The following ASPG variants were observed in gnomAD, a reference collection of about 807,000 sequenced individuals.
ASPG encodes asparaginase.
In ASPG, 53 loss-of-function variants were observed where a neutral mutation model predicts 63.2. The observed-to-expected ratio is 0.84, with a 90% CI of 0.67 to 1.05. The LOEUF (loss-of-function observed/expected upper bound fraction) is 1.05. Ranked by LOEUF, ASPG falls within the 50% of genes least tolerant of loss-of-function variation. ASPG has a pLI of 0.00. For missense variants in ASPG, 741 were observed against 794.4 expected, an observed-to-expected ratio of 0.93 and a Z score of 0.81; for synonymous variants, 370 against 355.0, an observed-to-expected ratio of 1.04 and a Z score of -0.48.
At chr14:104,101,739 G>C (rs1459833772) in intron 6 of ASPG, among the ~76,000 whole-genome samples, 2 of 152,146 alleles carry the variant, frequency 1.3e-5, no homozygotes, top group Non-Finnish European at 2.9e-5. Context: ...GCCCTCCTCT[G>C]TGCACTGGGA....
intron 5 of ASPG, among the ~76,000 whole-genome samples, chr14:104,098,590 C>T (rs1187322600): frequency 3.3e-5 from 5 of 152,154 alleles, no homozygotes; most frequent in Non-Finnish European, 7.4e-5. Flanking sequence ...CCTCCTGCCA[C>T]CCAGCCACTT....
intron 15 of ASPG, among the ~76,000 whole-genome samples, 173 bp downstream of exon 15, chr14:104,112,173 A>G (rs1016730952): frequency 5.9e-5 from 9 of 152,048 alleles, no homozygotes; most frequent in African/African-American, 2.2e-4. Context: ...GGTGGAACAC[A>G]GTTTAGAGGT....
Position 104,111,765 on chromosome 14 carries a change from G to C in ASPG, c.1621-155G>C, listed in dbSNP as rs1049041804. On this transcript the variant is annotated intron_variant, in intron 14 of 15. Coordinates refer to ENST00000551177, the MANE Select transcript of ASPG (RefSeq NM_001080464.3). Reference sequence around the variant, plus strand: ...CGCACAGACTGGGTCCCCTTCCCGGGGCTCTGAGTGGTGGGGGTGACGAGA... The same window carrying C: ...CGCACAGACTGGGTCCCCTTCCCGGCGCTCTGAGTGGTGGGGGTGACGAGA... The C allele has an allele frequency of 9.6e-6, 9 of 940,364 alleles. No homozygotes were observed. In the African/African-American group the frequency reaches 1.1e-4, roughly 12 times the overall value. The allele number at this position is 940,364 out of a possible 1,614,324, so 58.3% of individuals were successfully genotyped here.
chr14:104,111,211 CTG>C (rs956278073), intron 13 of ASPG: 25 of 977,288 alleles, frequency 2.6e-5, no homozygotes, highest in African/African-American at 2.1e-4. Flanking sequence ...TTGTGTGCTC[CTG>C]TGTGTGTACA....
intron 9 of ASPG, 144 bp from the exon 10 acceptor site, chr14:104,105,184 C>G (rs545291442): frequency 2.3e-6 from 3 of 1,331,428 alleles, no homozygotes; most frequent in South Asian, 2.6e-5. Context: ...CCAGCCCGCT[C>G]TGGCCCGAGG....
At chr14:104,105,107 G>T in intron 9 of ASPG, 2 of 673,906 alleles carry the variant, frequency 3.0e-6, no homozygotes, top group East Asian at 5.5e-5. Flanking sequence ...CTGGACGGAG[G>T]CTTTTGGGGC....
Position 104,112,980 on chromosome 14 carries a change from C to T in ASPG, c.*436C>T, listed in dbSNP as rs2037420711. ...AGACACCCTCTGCCCATCTCCTTACCTCCTGCGCCTTCATTCTGGAGCTTG... is the reference window on the plus strand; with the variant it reads ...AGACACCCTCTGCCCATCTCCTTACTTCCTGCGCCTTCATTCTGGAGCTTG... On this transcript the variant is annotated 3_prime_UTR_variant, in exon 16 of 16. Transcript: ENST00000551177. 1 of 246,454 alleles carries T rather than the reference C, an allele frequency of 4.1e-6. No individual in the cohort carries two copies. The highest frequency in any genetic ancestry group is 5.3e-5 in the South Asian group (1 of 18,710). The allele number at this position is 246,454 out of a possible 1,614,324, so 15.3% of individuals were successfully genotyped here. A position where few individuals can be genotyped will look rare whatever the true frequency, so the allele number is the denominator to read the frequency against.
chr14:104,090,775 G>A (rs1380977029), intron 1 of ASPG, among the ~76,000 whole-genome samples: 2 of 152,232 alleles, frequency 1.3e-5, no homozygotes, highest in Admixed American at 6.5e-5. Context: ...CCCGCCCCAT[G>A]ACCCCTAATA....
At position 104,110,339 on chromosome 14, in the gene ASPG, C is replaced by T; in HGVS notation, c.1520+1024C>T. The T allele has an allele frequency of 1.0e-6, 1 of 985,356 alleles. No homozygotes were observed. Among genetic ancestry groups the T allele is most frequent in the Non-Finnish European group, 1.2e-6 (1 of 829,894 alleles). 61.0% of individuals were successfully genotyped at this position (985,356 alleles called of 1,614,324 possible). A position where few individuals can be genotyped will look rare whatever the true frequency, so the allele number is the denominator to read the frequency against. On this transcript the variant is annotated intron_variant, in intron 13 of 15. Transcript: ENST00000551177. The surrounding 1 kb of genome is among the most constrained non-coding windows in gnomAD (Gnocchi z 4.7). ...GCTCTGGCTTCTCCTCTGGGACCGG[C>T]CCACAACCCCTGGTCTTGCTTTTGA...
chr14:104,106,399 C>T (rs2037129692), intron 10 of ASPG, among the ~76,000 whole-genome samples: 1 of 152,162 alleles, frequency 6.6e-6, no homozygotes, highest in Non-Finnish European at 1.5e-5. Flanking sequence ...GCCGTGGGAA[C>T]AGGGCCTTCC....
At chr14:104,089,581 A>G (rs2140975705) in intron 1 of ASPG, among the ~76,000 whole-genome samples, 1 of 152,252 alleles carries the variant, frequency 6.6e-6, no homozygotes, top group East Asian at 1.9e-4. Flanking sequence ...CGTACAACAC[A>G]TTGACTGCGG....
At position 104,107,205 on chromosome 14, in the gene ASPG, C is replaced by G; in HGVS notation, c.1293C>G (p.Asp431Glu). ...AGGGCAGTGACCTGGGCCTGGTGGA[C>G]TTTAACGGCCAAACCCCACTGCACG... ...VELGSDLGLV[D>E]FNGQTPLHAA... The change falls in exon 12 of 16, where the codon GAC becomes GAG. Residue 431 changes from aspartate to glutamate, a missense_variant. Asp to Glu is a conservative substitution (Grantham distance 45, BLOSUM62 2). Transcript: ENST00000551177. 1 of 1,585,036 alleles carries G rather than the reference C, an allele frequency of 6.3e-7. No individual in the cohort carries two copies. Among genetic ancestry groups the G allele is most frequent in the Middle Eastern group, 1.7e-4 (1 of 5,912 alleles).
chr14:104,109,951 G>A lies in ASPG; in HGVS notation c.1520+636G>A, dbSNP rs868764333. On this transcript the variant is annotated intron_variant, in intron 13 of 15. Transcript: ENST00000551177. This position sits in a 1 kb window ranked among gnomAD's most constrained non-coding sequence, Gnocchi z 4.8. ...GAGACTGAGGCGCAGGGAGGCCTTCGGCGAGGGTGTCGGTTGTGGGTGGAG... is the reference window on the plus strand; with the variant it reads ...GAGACTGAGGCGCAGGGAGGCCTTCAGCGAGGGTGTCGGTTGTGGGTGGAG... The A allele has an allele frequency of 1.2e-5, 12 of 985,188 alleles. No individual in the cohort carries two copies. The highest frequency in any genetic ancestry group is 7.0e-5 in the African/African-American group (4 of 57,162). The allele number at this position is 985,188 out of a possible 1,614,324, so 61.0% of individuals were successfully genotyped here. A position where few individuals can be genotyped will look rare whatever the true frequency, so the allele number is the denominator to read the frequency against.
At chr14:104,089,146 G>C (rs867172426) in intron 1 of ASPG, among the ~76,000 whole-genome samples, 4 of 151,644 alleles carry the variant, frequency 2.6e-5, no homozygotes, top group Admixed American at 6.6e-5. Context: ...TCAGCCTCCC[G>C]AGTAGCTGGG....
intron 12 of ASPG, chr14:104,108,685 C>A: frequency 1.0e-6 from 1 of 985,432 alleles, no homozygotes; most frequent in African/African-American, 1.7e-5. Flanking sequence ...GCTAGAGCCC[C>A]GACCCCACCC....
At chr14:104,111,124 T>C (rs2037365909) in intron 13 of ASPG, 1 of 985,174 alleles carries the variant, frequency 1.0e-6, no homozygotes, top group Non-Finnish European at 1.2e-6. Context: ...TGGGCGTGCA[T>C]ATGTGTGTGC....
At chr14:104,101,973 C>A (rs995390832) in intron 6 of ASPG, among the ~76,000 whole-genome samples, 9 of 152,206 alleles carry the variant, frequency 5.9e-5, no homozygotes, top group African/African-American at 1.9e-4. Flanking sequence ...ATTCCCCTGG[C>A]CTCTAGCAGG....
chr14:104,096,287 T>C (rs1159550285), intron 4 of ASPG, among the ~76,000 whole-genome samples: 1 of 152,174 alleles, frequency 6.6e-6, no homozygotes, highest in Admixed American at 6.5e-5. Flanking sequence ...CTGAACCCCT[T>C]GGGATCCTTT....
rs1336443683 is a variant in ASPG, at chr14:104,109,393, A to G, written c.1520+78A>G. ...GGGAAGCGAAGCCAGACCTGCTGGG[A>G]GGGACAAGTGAGTCAGGGTGTGGGG... On this transcript the variant is annotated intron_variant, in intron 13 of 15. Coordinates refer to ENST00000551177, the MANE Select transcript of ASPG (RefSeq NM_001080464.3). The surrounding 1 kb of genome is among the most constrained non-coding windows in gnomAD (Gnocchi z 4.8). 3 of 1,460,848 alleles carry G rather than the reference A, an allele frequency of 2.1e-6. No individual in the cohort carries two copies. The highest frequency in any genetic ancestry group is 2.8e-6 in the Non-Finnish European group (3 of 1,087,002). The allele number at this position is 1,460,848 out of a possible 1,614,324, so 90.5% of individuals were successfully genotyped here.
Sources: gnomAD v4.1 joint callset for allele counts (sites outside exome capture counted in the v4.1 genomes callset) on GRCh38, gnomAD v4.1.1 for gene constraint, Gnocchi (gnomAD v3.1) non-coding constraint, MANE v1.5 for transcripts, NCBI Gene and HGNC (gene_info 2026-07-23, HGNC 2026-07-21) for gene names.